CRACR2A: variants seen among roughly 807,000 people sequenced by gnomAD.
CRACR2A encodes the protein calcium release activated channel regulator 2A, also known as EF-hand calcium-binding domain-containing protein 4B.
CRACR2A carries 79 observed loss-of-function variants against 90.5 expected under a neutral mutation model. The observed-to-expected ratio is 0.87, with a 90% CI of 0.73 to 1.05. The LOEUF (loss-of-function observed/expected upper bound fraction) is 1.05, where lower values mean the gene tolerates loss of function less well. Among genes scored for constraint, CRACR2A ranks in the 50% least tolerant of loss-of-function variants. CRACR2A has a pLI of 0.00. For synonymous variants in CRACR2A, 338 were observed against 356.7 expected, an observed-to-expected ratio of 0.95 and a Z score of 0.59; for missense variants, 823 against 897.2, an observed-to-expected ratio of 0.92 and a Z score of 1.06.
At chr12:3,718,898 C>T (rs149816659) in intron 2 of CRACR2A, among the ~76,000 whole-genome samples, 14 of 152,238 alleles carry the variant, frequency 9.2e-5, no homozygotes, top group African/African-American at 3.1e-4. Flanking sequence ...GGAGAGTTTA[C>T]AAGAAGCTGG....
chr12:3,661,514 C>A (rs61907228), intron 7 of CRACR2A, among the ~76,000 whole-genome samples: 22,323 of 152,206 alleles, frequency 0.15, 1,832 homozygotes, highest in South Asian at 0.26. Flanking sequence ...AGTAAGAAAT[C>A]TCTTCTTGTT....
chr12:3,728,720 A>C (rs1207903348), intron 2 of CRACR2A: 1 of 152,292 alleles, frequency 6.6e-6, no homozygotes, highest in Admixed American at 6.5e-5. Context: ...GGATAAACAA[A>C]TGGCCAGGAA....
At chr12:3,630,017 T>C (rs1197621195) in intron 15 of CRACR2A, among the ~76,000 whole-genome samples, 3 of 152,166 alleles carry the variant, frequency 2.0e-5, no homozygotes, top group Non-Finnish European at 4.4e-5. Flanking sequence ...GTGTTGTGCG[T>C]TCCTGTCTCA....
intron 1 of CRACR2A, among the ~76,000 whole-genome samples, chr12:3,750,998 C>G (rs1242507647): frequency 6.6e-6 from 1 of 152,236 alleles, no homozygotes; most frequent in South Asian, 2.1e-4. Flanking sequence ...TCCAAATCGC[C>G]ATCATCTTGG....
rs182594340 is a variant in CRACR2A at position 3,679,705 on chromosome 12, T to C, written c.340+533A>G. 1.2e-3 allele frequency among the ~76,000 whole-genome samples: 184 copies of C among 152,336 alleles called. 2 individuals are homozygous for C. Among genetic ancestry groups the C allele is most frequent in the African/African-American group, 4.3e-3 (180 of 41,578 alleles). On this transcript the variant is annotated intron_variant, in intron 5 of 19. Coordinates refer to ENST00000440314, the MANE Select transcript of CRACR2A (RefSeq NM_001144958.2). ...ATGGCTTTTGATGTATCTGATAGGA[T>C]AGTGTGTCTGGTTTCTTTATATTGT...
At chr12:3,723,921 T>C (rs926365348) in intron 2 of CRACR2A, among the ~76,000 whole-genome samples, 4 of 152,178 alleles carry the variant, frequency 2.6e-5, no homozygotes, top group African/African-American at 9.7e-5. Context: ...CCTTTAAAGA[T>C]GTTTATTTCC....
intron 2 of CRACR2A, chr12:3,731,759 G>T (rs1182755252): frequency 1.3e-5 from 2 of 152,188 alleles, no homozygotes; most frequent in Non-Finnish European, 2.9e-5. Flanking sequence ...TAATATGGCT[G>T]GTGTCCTTAT....
At chr12:3,682,862 AACCTCCGCCTCCCGGG>A (rs949425922) in intron 4 of CRACR2A, among the ~76,000 whole-genome samples, 3 of 151,536 alleles carry the variant, frequency 2.0e-5, no homozygotes, top group African/African-American at 7.3e-5. Context: ...AGCTCACTGC[AACCTCCGCCTCCCGGG>A]TTCAAGTGAT....
At position 3,697,046 on chromosome 12, in the gene CRACR2A, A is replaced by AAAATGGG. The variant is rs1565493454; in HGVS notation, c.-36-18_-36-12dup. ...AGTCTTTTTCAGAACCTGAACATAG[A>AAAATGGG]AAATGGGAGAGAGAAGTGGGTGTGG... On this transcript the variant is annotated splice_polypyrimidine_tract_variant and intron_variant, in intron 3 of 19. Transcript: ENST00000440314. The AAAATGGG allele has an allele frequency of 6.5e-7, 1 of 1,550,368 alleles. No homozygotes were observed. Among genetic ancestry groups the AAAATGGG allele is most frequent in the East Asian group, 2.4e-5 (1 of 41,344 alleles).
chr12:3,659,535 A>C, intron 8 of CRACR2A, 29 bp downstream of exon 8: 2 of 1,608,226 alleles, frequency 1.2e-6, no homozygotes, highest in Non-Finnish European at 1.7e-6. Flanking sequence ...AGCTGGCCTC[A>C]GAGCCAAGCC....
At chr12:3,720,416 G>GAAGAAA (rs1395795980) in intron 2 of CRACR2A, among the ~76,000 whole-genome samples, 20 of 106,710 alleles carry the variant, frequency 1.9e-4, no homozygotes, top group African/African-American at 7.0e-4. Context: ...TGAGAGAGAG[G>GAAGAAA]AAGAAAGAAA....
chr12:3,673,542 T>C lies in CRACR2A; in HGVS notation c.575A>G (p.His192Arg), dbSNP rs753123336. The C allele has an allele frequency of 6.2e-7, 1 of 1,614,076 alleles. No individual in the cohort carries two copies. The highest frequency in any genetic ancestry group is 8.5e-7 in the Non-Finnish European group (1 of 1,180,026). The change falls in exon 7 of 20, where the codon CAT (histidine) becomes CGT (arginine). Residue 192 changes from histidine (H) to arginine (R), a missense_variant. By Grantham distance (29) the His-to-Arg change is conservative. Transcript: ENST00000440314. ...LWLQLKKEEPHLLSNFEDFLT... is the reference protein window; with the variant it reads ...LWLQLKKEEPRLLSNFEDFLT... Reference sequence around the variant, plus strand: ...GAAGTCTTCAAAGTTGGACAGTAAATGAGGTTCCTCCTTCTTCAGCTGCAA... The same window carrying C: ...GAAGTCTTCAAAGTTGGACAGTAAACGAGGTTCCTCCTTCTTCAGCTGCAA...
At chr12:3,750,045 T>G (rs573054256) in intron 1 of CRACR2A, among the ~76,000 whole-genome samples, 2 of 152,094 alleles carry the variant, frequency 1.3e-5, no homozygotes, top group African/African-American at 4.8e-5. Context: ...CAACCAATTC[T>G]CCTGCTTGGC....
chr12:3,699,148 A>G (rs1313826064), intron 3 of CRACR2A, among the ~76,000 whole-genome samples: 3 of 152,212 alleles, frequency 2.0e-5, no homozygotes, highest in African/African-American at 7.2e-5. Flanking sequence ...AGGGTCTAGC[A>G]CAGTCAGAGA....
At chr12:3,737,542 A>T (rs1042824024) in intron 1 of CRACR2A, among the ~76,000 whole-genome samples, 6 of 152,180 alleles carry the variant, frequency 3.9e-5, no homozygotes, top group African/African-American at 9.7e-5. Context: ...TGGAGTGGAT[A>T]CATGGAGGCT....
chr12:3,643,352 C>T (rs1944607291), intron 12 of CRACR2A, among the ~76,000 whole-genome samples: 1 of 152,160 alleles, frequency 6.6e-6, no homozygotes, highest in Admixed American at 6.5e-5. Flanking sequence ...GCTAAGGGTG[C>T]AATCCACATC....
chr12:3,724,012 C>T (rs943619953), intron 2 of CRACR2A, among the ~76,000 whole-genome samples: 5 of 152,154 alleles, frequency 3.3e-5, no homozygotes, highest in Non-Finnish European at 5.9e-5. Flanking sequence ...ATAGAGCTGG[C>T]AATCAAAGAC....
rs761912765 is a variant in CRACR2A, at chr12:3,633,785, C to A, written c.1603-49G>T. The A allele has an allele frequency of 3.6e-5, 56 of 1,548,582 alleles. No individual in the cohort carries two copies. In the South Asian group the frequency reaches 5.4e-4, roughly 15 times the overall value. ...CAACTGCAGGGAATAGTCTTGCCAG[C>A]CCCTGCCCCTGCCACCAGAGGCCCT... On this transcript the variant is annotated intron_variant, in intron 14 of 19. Transcript: ENST00000440314. The surrounding 1 kb of genome is among the most constrained non-coding windows in gnomAD (Gnocchi z 4.5).
At chr12:3,658,649 G>A (rs1418481003) in intron 8 of CRACR2A, among the ~76,000 whole-genome samples, 3 of 152,138 alleles carry the variant, frequency 2.0e-5, no homozygotes, top group African/African-American at 4.8e-5. Flanking sequence ...CAGTGGTGTC[G>A]ATAATCTGAG....
Sources: allele counts gnomAD v4.1 joint callset (sites outside exome capture counted in the v4.1 genomes callset), GRCh38; gene constraint gnomAD v4.1.1; non-coding constraint Gnocchi (gnomAD v3.1); transcripts MANE v1.5; gene names NCBI Gene and HGNC (gene_info 2026-07-23, HGNC 2026-07-21).